The following SLC2A12 variants were observed in gnomAD, a reference collection of about 807,000 sequenced individuals.
SLC2A12 encodes the protein solute carrier family 2, facilitated glucose transporter member 12.
SLC2A12 carries 23 observed loss-of-function variants against 41.8 expected under a neutral mutation model. That is an observed-to-expected ratio of 0.55 (90% CI 0.40 to 0.78). The LOEUF (loss-of-function observed/expected upper bound fraction) is 0.78. SLC2A12 is among the 30% of genes least tolerant of loss of function. SLC2A12 has a pLI of 0.00. For synonymous variants in SLC2A12, 295 were observed against 285.9 expected (o/e 1.03, Z -0.32); for missense variants, 654 against 745.6 (o/e 0.88, Z 1.43).
At chr6:134,048,201 A>C (rs1251061119) in intron 1 of SLC2A12, among the ~76,000 whole-genome samples, 2 of 152,168 alleles carry the variant, frequency 1.3e-5, no homozygotes, top group Non-Finnish European at 2.9e-5. Context: ...AGTCACAGAG[A>C]TACGCTGACT....
At position 134,029,142 on chromosome 6, in the gene SLC2A12, C is replaced by T; in HGVS notation, c.683G>A (p.Gly228Glu). 1 of 1,614,136 alleles carries T rather than the reference C, an allele frequency of 6.2e-7. No individual in the cohort carries two copies. The highest frequency in any genetic ancestry group is 8.5e-7 in the Non-Finnish European group (1 of 1,180,032). Residue 228 changes from glycine to glutamate, a missense_variant, in exon 2 of 5, where the codon GGA becomes GAA. Coordinates refer to ENST00000275230, the MANE Select transcript of SLC2A12 (RefSeq NM_145176.3). ...PPSPRFLVMK[G>E]QEGAASKVLG... is the part of the protein sequence containing the mutation. ...AACCTTGCTAGCAGCTCCCTCTTGTCCTTTCATCACCAGAAACCGAGGGCT... is the reference window on the plus strand; with the variant it reads ...AACCTTGCTAGCAGCTCCCTCTTGTTCTTTCATCACCAGAAACCGAGGGCT...
rs766977500 is a variant in SLC2A12 at position 134,029,504 on chromosome 6, CCTT to C, written c.318_320del (p.Arg107del). On this transcript the variant is annotated inframe_deletion, in exon 2 of 5. Coordinates refer to ENST00000275230, the MANE Select transcript of SLC2A12 (RefSeq NM_145176.3). The stretch of plus-strand genomic sequence containing the variant: ...GGCAGGATGACAAGATGATTGCTGT[CCTT>C]CTTCCATATCTGTCTATCAGGACCC... 1.9e-6 allele frequency: 3 copies of C among 1,614,160 alleles called. No individual in the cohort carries two copies. Among genetic ancestry groups the C allele is most frequent in the Non-Finnish European group, 2.5e-6 (3 of 1,180,026 alleles).
chr6:134,006,665 G>C, intron 3 of SLC2A12, 147 bp downstream of exon 3: 1 of 942,174 alleles, frequency 1.1e-6, no homozygotes, highest in Non-Finnish European at 1.5e-6. Flanking sequence ...ACTGTAAATT[G>C]GGTCATGGGT....
At position 133,988,816 on chromosome 6, in the gene SLC2A12, A is replaced by G. The variant is rs1776576427; in HGVS notation, c.*2339T>C. The G allele has an allele frequency of 6.6e-6, 1 of 152,174 alleles. No individual in the cohort carries two copies. 9.4% of individuals were successfully genotyped at this position (152,174 alleles called of 1,614,324 possible). On this transcript the variant is annotated 3_prime_UTR_variant, in exon 5 of 5. Coordinates refer to ENST00000275230, the MANE Select transcript of SLC2A12 (RefSeq NM_145176.3). ...GAGAATAAAATTACATGAAAGAGTT[A>G]CAAGCTCACTGTTTTAAAGACTTGA...
intron 2 of SLC2A12, among the ~76,000 whole-genome samples, chr6:134,014,560 T>C (rs1728398236): frequency 6.6e-6 from 1 of 152,252 alleles, no homozygotes; most frequent in Admixed American, 6.5e-5. Flanking sequence ...TTTTTCATTA[T>C]TGATACTTTA....
At chr6:134,042,581 A>G (rs868371772) in intron 1 of SLC2A12, among the ~76,000 whole-genome samples, 3 of 151,990 alleles carry the variant, frequency 2.0e-5, no homozygotes, top group Admixed American at 6.6e-5. Context: ...AGGTCAGGAC[A>G]AGTTGTCGAG....
At chr6:134,045,197 T>TA (rs1777440806) in intron 1 of SLC2A12, among the ~76,000 whole-genome samples, 1 of 152,090 alleles carries the variant, frequency 6.6e-6, no homozygotes, top group Non-Finnish European at 1.5e-5. Flanking sequence ...TATAGAAAAA[T>TA]ACAAGTTACA....
intron 1 of SLC2A12, among the ~76,000 whole-genome samples, chr6:134,032,972 G>A (rs1401883366): frequency 6.6e-6 from 1 of 151,000 alleles, no homozygotes; most frequent in Non-Finnish European, 1.5e-5. Context: ...AAACAAAAAA[G>A]CAACAGAGGG....
chr6:134,011,336 A>C (rs1274722747), intron 2 of SLC2A12, among the ~76,000 whole-genome samples: 1 of 152,218 alleles, frequency 6.6e-6, no homozygotes, highest in East Asian at 1.9e-4. Context: ...AAAAATAAGT[A>C]TACGACCAGG....
intron 2 of SLC2A12, among the ~76,000 whole-genome samples, chr6:134,028,035 T>A (rs1209818829): frequency 6.6e-6 from 1 of 152,176 alleles, no homozygotes; most frequent in African/African-American, 2.4e-5. Context: ...AACTCAGAGA[T>A]GATATAGAGG....
At chr6:134,008,481 C>T (rs1243169184) in intron 2 of SLC2A12, among the ~76,000 whole-genome samples, 4 of 151,976 alleles carry the variant, frequency 2.6e-5, no homozygotes, top group Non-Finnish European at 5.9e-5. Flanking sequence ...ACTAGGAAAC[C>T]GCATGTCTGC....
At chr6:134,009,740 G>A (rs529962200) in intron 2 of SLC2A12, among the ~76,000 whole-genome samples, 1 of 152,142 alleles carries the variant, frequency 6.6e-6, no homozygotes, top group East Asian at 1.9e-4. Context: ...AACTACTTGG[G>A]AGGCTGAGGC....
intron 2 of SLC2A12, among the ~76,000 whole-genome samples, chr6:134,017,308 C>T (rs1164064101): frequency 6.6e-6 from 1 of 152,186 alleles, no homozygotes; most frequent in Non-Finnish European, 1.5e-5. Context: ...ATTCACCTCT[C>T]ATTCCCTGGA....
intron 4 of SLC2A12, among the ~76,000 whole-genome samples, chr6:134,001,146 G>A (rs748347460): frequency 1.1e-4 from 16 of 151,598 alleles, no homozygotes; most frequent in Non-Finnish European, 2.1e-4. Context: ...CGTTGGTTGG[G>A]GACTGGGTGG....
chr6:134,029,811 T>G, intron 1 of SLC2A12, 90 bp from the exon 2 acceptor site: 3 of 1,462,072 alleles, frequency 2.1e-6, no homozygotes, highest in Non-Finnish European at 2.7e-6. Flanking sequence ...CTTGTAGAAG[T>G]CTTTCATAGC....
intron 2 of SLC2A12, among the ~76,000 whole-genome samples, chr6:134,017,284 T>G (rs1582608060): frequency 6.6e-6 from 1 of 152,160 alleles, no homozygotes; most frequent in African/African-American, 2.4e-5. Flanking sequence ...TGTGTGAGGT[T>G]CCACACAAGC....
chr6:134,024,396 C>T (rs940155803), intron 2 of SLC2A12, among the ~76,000 whole-genome samples: 3 of 152,226 alleles, frequency 2.0e-5, no homozygotes, highest in Non-Finnish European at 4.4e-5. Context: ...ACTTCTTCAC[C>T]AGCTTCCCTC....
intron 4 of SLC2A12, among the ~76,000 whole-genome samples, chr6:133,992,773 G>C (rs966570439): frequency 2.0e-5 from 3 of 152,178 alleles, no homozygotes; most frequent in African/African-American, 7.2e-5. Context: ...CTGAAGACTT[G>C]TTGAAGTGCC....
At chr6:134,010,671 G>A (rs532290336) in intron 2 of SLC2A12, among the ~76,000 whole-genome samples, 9 of 152,218 alleles carry the variant, frequency 5.9e-5, no homozygotes, top group Middle Eastern at 3.4e-3. Context: ...TATTTCACAT[G>A]GTATTAAATC....
Sources: allele counts gnomAD v4.1 joint callset (sites outside exome capture counted in the v4.1 genomes callset), GRCh38; gene constraint gnomAD v4.1.1; transcripts MANE v1.5; gene names NCBI Gene and HGNC (gene_info 2026-07-23, HGNC 2026-07-21).